The following INTU variants were observed in gnomAD, a reference collection of about 807,000 sequenced individuals.
The protein encoded by INTU is inturned planar cell polarity protein.
INTU carries 68 observed loss-of-function variants against 100.5 expected under a neutral mutation model. That is an observed-to-expected ratio of 0.68 (90% CI 0.56 to 0.83). The LOEUF (loss-of-function observed/expected upper bound fraction) is 0.83. Ranked by LOEUF, INTU falls within the 40% of genes least tolerant of loss-of-function variation. INTU has a pLI of 0.00. For missense variants in INTU, 1,071 were observed against 1,114.7 expected, an observed-to-expected ratio of 0.96 and a Z score of 0.56; for synonymous variants, 357 against 395.7, an observed-to-expected ratio of 0.90 and a Z score of 1.16.
At chr4:127,656,146 C>G (rs572480299) in intron 2 of INTU, among the ~76,000 whole-genome samples, 1 of 152,146 alleles carries the variant, frequency 6.6e-6, no homozygotes, top group Non-Finnish European at 1.5e-5. Flanking sequence ...GAGATGAACC[C>G]GGTACCTCAG....
chr4:127,706,949 G>T lies in INTU; in HGVS notation c.2251G>T (p.Glu751Ter), dbSNP rs1452424014. The T allele has an allele frequency of 2.5e-6, 4 of 1,613,514 alleles. No homozygotes were observed. The highest frequency in any genetic ancestry group is 3.4e-6 in the Non-Finnish European group (4 of 1,179,730). ...RESQGSDGLE[E>*]SGTLLKVTKK... ...ATCTCAGGGCTCTGATGGTTTAGAA[G>T]AAAGTGGGACCTTGCTTAAGGTGTG... Residue 751 changes from glutamate (E) to a stop codon, truncating the protein, a stop_gained, in exon 12 of 16, where the codon GAA becomes TAA. Coordinates refer to ENST00000335251, the MANE Select transcript of INTU (RefSeq NM_015693.4). LOFTEE classifies it high-confidence loss of function.
chr4:127,674,340 C>A (rs1189253732), intron 6 of INTU, 127 bp downstream of exon 6: 2 of 682,368 alleles, frequency 2.9e-6, no homozygotes, highest in Non-Finnish European at 2.4e-6. Flanking sequence ...AGATCTATTG[C>A]ACTAGTAAAA....
At chr4:127,688,380 G>T (rs1316521517) in intron 8 of INTU, among the ~76,000 whole-genome samples, 6 of 152,138 alleles carry the variant, frequency 3.9e-5, no homozygotes, top group Non-Finnish European at 7.4e-5. Flanking sequence ...TTATCAATAT[G>T]ATTTTAGTTA....
In INTU at chr4:127,716,992, T is replaced by G. The variant is rs1389468530; in HGVS notation, c.*556T>G. 2 of 152,166 alleles carry G rather than the reference T, an allele frequency of 1.3e-5. No homozygotes were observed. Among genetic ancestry groups the G allele is most frequent in the African/African-American group, 2.4e-5 (1 of 41,436 alleles). 9.4% of individuals were successfully genotyped at this position (152,166 alleles called of 1,614,324 possible). A position where few individuals can be genotyped will look rare whatever the true frequency, so the allele number is the denominator to read the frequency against. ...TTAAGTAAAATGTGCTTTTATTTTA[T>G]TTTAGTTTTAGTTTTAGTTCTGGGG... On this transcript the variant is annotated 3_prime_UTR_variant, in exon 16 of 16. Coordinates refer to ENST00000335251, the MANE Select transcript of INTU (RefSeq NM_015693.4).
intron 6 of INTU, among the ~76,000 whole-genome samples, chr4:127,681,944 G>T (rs1428896640): frequency 6.6e-6 from 1 of 151,886 alleles, no homozygotes; most frequent in Admixed American, 6.6e-5. Context: ...GTGGGCGAAG[G>T]ACATGAACAG....
At chr4:127,665,656 C>T (rs1728665694) in intron 4 of INTU, among the ~76,000 whole-genome samples, 1 of 152,134 alleles carries the variant, frequency 6.6e-6, no homozygotes, top group South Asian at 2.1e-4. Flanking sequence ...GGCTCAGTGA[C>T]TCCAGCCTTT....
intron 2 of INTU, among the ~76,000 whole-genome samples, chr4:127,646,467 C>G (rs1389270065): frequency 6.6e-6 from 1 of 152,110 alleles, no homozygotes; most frequent in Admixed American, 6.5e-5. Flanking sequence ...CCATCAGGAA[C>G]AACATATTAT....
At chr4:127,657,542 G>A (rs540040520) in intron 3 of INTU, among the ~76,000 whole-genome samples, 7 of 152,134 alleles carry the variant, frequency 4.6e-5, no homozygotes, top group African/African-American at 1.7e-4. Flanking sequence ...GTGGGCAAGC[G>A]AGCAAAGCTT....
chr4:127,659,266 A>G (rs1318997354), intron 3 of INTU, among the ~76,000 whole-genome samples: 2 of 152,178 alleles, frequency 1.3e-5, no homozygotes, highest in Non-Finnish European at 2.9e-5. Flanking sequence ...ACTTAGGGAC[A>G]ATGTGTTAAA....
chr4:127,663,645 A>G, intron 4 of INTU, 61 bp downstream of exon 4: 2 of 1,349,398 alleles, frequency 1.5e-6, no homozygotes, highest in Non-Finnish European at 2.1e-6. Flanking sequence ...GGAAAAAGTA[A>G]GGACCTTTTA....
At chr4:127,693,317 A>G (rs530785958) in intron 8 of INTU, among the ~76,000 whole-genome samples, 3 of 152,006 alleles carry the variant, frequency 2.0e-5, no homozygotes, top group African/African-American at 7.2e-5. Flanking sequence ...GTATATTCCT[A>G]AGTATTTTTT....
Position 127,653,595 on chromosome 4 carries a change from T to C in INTU, c.683-3041T>C, listed in dbSNP as rs1165329719. On this transcript the variant is annotated intron_variant, in intron 2 of 15. Coordinates refer to ENST00000335251, the MANE Select transcript of INTU (RefSeq NM_015693.4). ...CACTGTGGTCTGAGAGATAGTTTGT[T>C]ATAATTTCTGTCCTTTTACATTTGC... 2.0e-5 allele frequency among the ~76,000 whole-genome samples: 3 copies of C among 152,282 alleles called. No individual in the cohort carries two copies. The South Asian group carries it at 6.2e-4, about 32-fold the overall frequency.
In INTU at chr4:127,723,323, C is replaced by G. The variant is rs972298251; in HGVS notation, c.*6887C>G. On this transcript the variant is annotated 3_prime_UTR_variant, in exon 16 of 16. Transcript: ENST00000335251. ...GCAGAGTTGACTCACAGTTTTCTTC[C>G]TTCTTGGTGGGAGCTGCAGAGCAGA... The G allele has an allele frequency of 1.3e-5, 2 of 150,690 alleles. No homozygotes were observed. The highest frequency in any genetic ancestry group is 2.9e-5 in the Non-Finnish European group (2 of 67,854). The allele number at this position is 150,690 out of a possible 1,614,324, so 9.3% of individuals were successfully genotyped here. A position where few individuals can be genotyped will look rare whatever the true frequency, so the allele number is the denominator to read the frequency against.
At chr4:127,646,047 TGTGG>T (rs1273272400) in intron 2 of INTU, among the ~76,000 whole-genome samples, 3 of 151,846 alleles carry the variant, frequency 2.0e-5, no homozygotes, top group Non-Finnish European at 4.4e-5. Flanking sequence ...AGCTGGGCCT[TGTGG>T]TGCATGCCTG....
chr4:127,674,279 T>G (rs1322178751), intron 6 of INTU, 66 bp downstream of exon 6: 6 of 1,262,416 alleles, frequency 4.8e-6, no homozygotes, highest in African/African-American at 1.5e-5. Flanking sequence ...TTTGTTAAAA[T>G]TATTACATTT....
At chr4:127,678,285 A>G (rs1338559903) in intron 6 of INTU, among the ~76,000 whole-genome samples, 1 of 152,154 alleles carries the variant, frequency 6.6e-6, no homozygotes, top group East Asian at 1.9e-4. Flanking sequence ...GAGCAACTCC[A>G]AGACACATAA....
At chr4:127,705,338 C>T (rs1016977889) in intron 10 of INTU, among the ~76,000 whole-genome samples, 2 of 152,170 alleles carry the variant, frequency 1.3e-5, no homozygotes, top group African/African-American at 2.4e-5. Context: ...TTGTCAAATA[C>T]TGAAGCTATG....
chr4:127,687,912 T>G lies in INTU; in HGVS notation c.1449+45T>G, dbSNP rs189737934. 2.0e-5 allele frequency: 26 copies of G among 1,297,842 alleles called. No individual in the cohort carries two copies. In the East Asian group the frequency reaches 6.2e-4, roughly 31 times the overall value. The allele number at this position is 1,297,842 out of a possible 1,614,324, so 80.4% of individuals were successfully genotyped here. A position where few individuals can be genotyped will look rare whatever the true frequency, so the allele number is the denominator to read the frequency against. Reference sequence around the variant, plus strand: ...AGCAGAAGCAGAACCAGGTGCCTTATTATAATCTTGTATCTTCTCTTTTTT... The same window carrying G: ...AGCAGAAGCAGAACCAGGTGCCTTAGTATAATCTTGTATCTTCTCTTTTTT... On this transcript the variant is annotated intron_variant, in intron 8 of 15. Transcript: ENST00000335251.
Position 127,656,737 on chromosome 4 carries a change from T to C in INTU, c.768+16T>C. ...ACCTATGCAGGTATGGACATTCTTT[T>C]TCTATATTTTATGATGTTACATAAA... is the stretch of plus-strand genomic sequence containing the variant. On this transcript the variant is annotated intron_variant, in intron 3 of 15. Transcript: ENST00000335251. 2 of 1,499,386 alleles carry C rather than the reference T, an allele frequency of 1.3e-6. No homozygotes were observed. Among genetic ancestry groups the C allele is most frequent in the South Asian group, 1.2e-5 (1 of 82,436 alleles). 92.9% of individuals were successfully genotyped at this position (1,499,386 alleles called of 1,614,324 possible).
Sources: gnomAD v4.1 joint callset for allele counts (sites outside exome capture counted in the v4.1 genomes callset) on GRCh38, gnomAD v4.1.1 for gene constraint, MANE v1.5 for transcripts, NCBI Gene and HGNC (gene_info 2026-07-23, HGNC 2026-07-21) for gene names.